KIAA1549L: variants seen among roughly 807,000 people sequenced by gnomAD.
KIAA1549L encodes UPF0606 protein KIAA1549L.
In KIAA1549L, 88 loss-of-function variants were observed where a neutral mutation model predicts 160.7. The observed-to-expected ratio is 0.55, with a 90% confidence interval of 0.46 to 0.65. KIAA1549L has a LOEUF of 0.65. Ranked by LOEUF, KIAA1549L falls within the 30% of genes least tolerant of loss-of-function variation. KIAA1549L has a pLI of 0.00. For missense variants in KIAA1549L, 2,258 were observed against 2,437.5 expected, an observed-to-expected ratio of 0.93 and a Z score of 1.55; for synonymous variants, 950 against 976.7, an observed-to-expected ratio of 0.97 and a Z score of 0.51.
chr11:33,492,340 C>T (rs1852687916), intron 1 of KIAA1549L, among the ~76,000 whole-genome samples: 1 of 152,122 alleles, frequency 6.6e-6, no homozygotes, highest in Non-Finnish European at 1.5e-5. Context: ...GCATTCCAGG[C>T]TGGAAAACAG....
chr11:33,651,938 C>T (rs1851909465), intron 17 of KIAA1549L, among the ~76,000 whole-genome samples: 2 of 127,622 alleles, frequency 1.6e-5, no homozygotes, highest in South Asian at 6.1e-4. Context: ...TCCCTTCCTT[C>T]CTTCGTTCCC....
intron 1 of KIAA1549L, among the ~76,000 whole-genome samples, chr11:33,422,674 T>C (rs1169304872): frequency 6.6e-6 from 1 of 151,410 alleles, no homozygotes; most frequent in Non-Finnish European, 1.5e-5. Flanking sequence ...TTTGATCAAC[T>C]GTAAGATGCC....
chr11:33,545,107 A>C lies in KIAA1549L; in HGVS notation c.3114A>C (p.Thr1038=), dbSNP rs574392627. The C allele has an allele frequency of 1.9e-6, 3 of 1,613,942 alleles. No individual in the cohort carries two copies. Among genetic ancestry groups the C allele is most frequent in the East Asian group, 4.5e-5 (2 of 44,878 alleles). The change falls in exon 3 of 21, where the codon ACA becomes ACC. Residue 1038 remains threonine, a synonymous_variant. Coordinates refer to ENST00000658780, the MANE Select transcript of KIAA1549L (RefSeq NM_012194.3). The part of the protein sequence containing the change: ...NMDTASGLLS[T]TYLPRKPQAM... ...ACACTGCCTCTGGCCTGTTGTCTACAACTTACCTCCCCAGGAAACCACAAG... is the reference window on the plus strand; with the variant it reads ...ACACTGCCTCTGGCCTGTTGTCTACCACTTACCTCCCCAGGAAACCACAAG...
At chr11:33,613,960 G>T (rs1850713393) in intron 15 of KIAA1549L, among the ~76,000 whole-genome samples, 1 of 152,132 alleles carries the variant, frequency 6.6e-6, no homozygotes, top group Non-Finnish European at 1.5e-5. Flanking sequence ...CATGCCCTCA[G>T]CTCTCCCTGA....
Position 33,508,436 on chromosome 11 carries a change from A to C in KIAA1549L, c.239-33366A>C, listed in dbSNP as rs1012872940. 2.0e-5 allele frequency among the ~76,000 whole-genome samples: 3 copies of C among 152,334 alleles called. No individual in the cohort carries two copies. In the East Asian group the frequency reaches 5.8e-4, roughly 29 times the overall value. On this transcript the variant is annotated intron_variant, in intron 1 of 20. Transcript: ENST00000658780. The stretch of plus-strand genomic sequence containing the variant: ...GGAGGAGAGGCAACTAGAGGAGCAC[A>C]AATAAACTGCTCTTCTTTGCTCTTT...
At chr11:33,413,398 A>G (rs547907414) in intron 1 of KIAA1549L, among the ~76,000 whole-genome samples, 3 of 150,560 alleles carry the variant, frequency 2.0e-5, no homozygotes, top group Non-Finnish European at 4.4e-5. Context: ...TGATCATGCC[A>G]CTGCGCGCCA....
At chr11:33,564,915 T>C (rs924905143) in intron 8 of KIAA1549L, among the ~76,000 whole-genome samples, 3 of 152,210 alleles carry the variant, frequency 2.0e-5, no homozygotes, top group African/African-American at 7.2e-5. Flanking sequence ...ACTTGAATTG[T>C]AGAGCCCAGT....
In KIAA1549L at chr11:33,435,780, A is replaced by ATGTGTGTGTGTG. The variant is rs1307533670; in HGVS notation, c.238+58892_238+58893insGTGTGTGTGTGT. Reference sequence around the variant, plus strand: ...ATAAGATATATATATATATATATATATATATATATATATATATATATATAT... The same window carrying ATGTGTGTGTGTG: ...ATAAGATATATATATATATATATATATGTGTGTGTGTGTATATATATATATATATATATATAT... On this transcript the variant is annotated intron_variant, in intron 1 of 20. Coordinates refer to ENST00000658780, the MANE Select transcript of KIAA1549L (RefSeq NM_012194.3). Among the ~76,000 whole-genome samples, 12 of 18,322 alleles carry ATGTGTGTGTGTG rather than the reference A, an allele frequency of 6.5e-4. 2 individuals carry two copies. In the South Asian group the frequency reaches 0.013, roughly 20 times the overall value. The allele number at this position is 18,322 out of a possible 152,430, so 12.0% of individuals were successfully genotyped here.
At chr11:33,550,596 A>G (rs569351334) in intron 4 of KIAA1549L, among the ~76,000 whole-genome samples, 1 of 152,000 alleles carries the variant, frequency 6.6e-6, no homozygotes, top group Non-Finnish European at 1.5e-5. Context: ...CACTTTACTT[A>G]CTCCTTGACC....
intron 3 of KIAA1549L, among the ~76,000 whole-genome samples, chr11:33,547,251 G>T (rs1375835223): frequency 6.6e-6 from 1 of 152,174 alleles, no homozygotes; most frequent in Non-Finnish European, 1.5e-5. Context: ...TCAGGGCTGG[G>T]TGCTCCTCCT....
chr11:33,385,003 A>G (rs1232712423), intron 1 of KIAA1549L, among the ~76,000 whole-genome samples: 1 of 151,662 alleles, frequency 6.6e-6, no homozygotes, highest in African/African-American at 2.4e-5. Context: ...CAACTTTTCA[A>G]TTTAAGATTT....
At chr11:33,654,085 G>T (rs1326912876) in intron 17 of KIAA1549L, among the ~76,000 whole-genome samples, 1 of 152,056 alleles carries the variant, frequency 6.6e-6, no homozygotes, top group Non-Finnish European at 1.5e-5. Context: ...CAATTCTCCT[G>T]CCTCAGCCTC....
intron 16 of KIAA1549L, among the ~76,000 whole-genome samples, chr11:33,644,751 G>A (rs745883732): frequency 2.0e-4 from 31 of 152,194 alleles, no homozygotes; most frequent in Non-Finnish European, 4.0e-4. Context: ...TGTGGCATCC[G>A]CCACAAGGCA....
intron 6 of KIAA1549L, among the ~76,000 whole-genome samples, chr11:33,556,926 TAC>T (rs1223606820): frequency 6.6e-6 from 1 of 152,238 alleles, no homozygotes; most frequent in African/African-American, 2.4e-5. Context: ...GTATAGTATA[TAC>T]AGAGGCACCC....
At chr11:33,544,412 C>G in intron 2 of KIAA1549L, 76 bp downstream of exon 2, 1 of 1,462,306 alleles carries the variant, frequency 6.8e-7, no homozygotes, top group Non-Finnish European at 9.4e-7. Flanking sequence ...GTCAAAGCAT[C>G]TTCAAGCTCA....
chr11:33,546,857 G>A (rs1217500750), intron 3 of KIAA1549L, among the ~76,000 whole-genome samples: 3 of 152,206 alleles, frequency 2.0e-5, no homozygotes, highest in Non-Finnish European at 4.4e-5. Context: ...TAAGTTAGGT[G>A]CAGTCAAGGT....
In KIAA1549L at chr11:33,645,771, A is replaced by G; in HGVS notation, c.5495A>G (p.His1832Arg). 1 of 1,613,850 alleles carries G rather than the reference A, an allele frequency of 6.2e-7. No individual in the cohort carries two copies. The highest frequency in any genetic ancestry group is 8.5e-7 in the Non-Finnish European group (1 of 1,179,852). ...GYSRSRQVKG[H>R]SETSTLSSQP... is the part of the protein sequence containing the mutation. ...TCCAGGTCTCGACAGGTGAAAGGCC[A>G]CTCGGAGACCTCCACACTGAGCTCC... is the stretch of plus-strand genomic sequence containing the variant. Residue 1832 changes from histidine to arginine, a missense_variant, in exon 17 of 21, where the codon CAC becomes CGC. His to Arg is a conservative substitution (Grantham distance 29). This residue lies in a region of KIAA1549L where 1,359 missense variants were observed against 1,546.6 expected (regional missense o/e 0.88). Transcript: ENST00000658780.
rs370883103 is a variant in KIAA1549L at position 33,575,643 on chromosome 11, C to T, written c.4402+770C>T. Among the ~76,000 whole-genome samples the T allele has an allele frequency of 1.2e-4, 18 of 152,256 alleles. No homozygotes were observed. The East Asian group carries it at 2.3e-3, about 20-fold the overall frequency. ...TAATCTAGATCTGTCTGACTTTGAACCTGTGTTCTTAACTATATGACACGT... is the reference window on the plus strand; with the variant it reads ...TAATCTAGATCTGTCTGACTTTGAATCTGTGTTCTTAACTATATGACACGT... On this transcript the variant is annotated intron_variant, in intron 10 of 20. Coordinates refer to ENST00000658780, the MANE Select transcript of KIAA1549L (RefSeq NM_012194.3).
chr11:33,576,450 G>A (rs1044144450), intron 10 of KIAA1549L, among the ~76,000 whole-genome samples: 9 of 152,138 alleles, frequency 5.9e-5, no homozygotes, highest in Admixed American at 2.0e-4. Flanking sequence ...TGTGGGCTCC[G>A]TCCTCATCTG....
Sources: gnomAD v4.1 joint callset for allele counts (sites outside exome capture counted in the v4.1 genomes callset) on GRCh38, gnomAD v4.1.1 for gene constraint, gnomAD v4.1.1 regional missense constraint, MANE v1.5 for transcripts, NCBI Gene and HGNC (gene_info 2026-07-23, HGNC 2026-07-21) for gene names.